Variants in IL1RAPL1 observed in about 807,000 individuals in gnomAD.
The protein encoded by IL1RAPL1 is interleukin 1 receptor accessory protein like 1, also known as interleukin-1 receptor accessory protein-like 1.
A neutral mutation model predicts 48.4 loss-of-function variants in IL1RAPL1; 3 were observed. That is an observed-to-expected ratio of 0.06 (90% CI 0.03 to 0.16). IL1RAPL1 has a LOEUF of 0.16. Ranked by LOEUF, IL1RAPL1 falls within the 10% of genes least tolerant of loss-of-function variation. The pLI is 1.00. For synonymous variants in IL1RAPL1, 185 were observed against 187.7 expected (o/e 0.99, Z 0.12); for missense variants, 349 against 530.6 (o/e 0.66, Z 3.36).
At position 29,920,169 on chromosome X, in the gene IL1RAPL1, CAAATTTAGTTTT is replaced by C. The variant is rs1932834305; in HGVS notation, c.1057+76_1057+87del. 4.4e-6 allele frequency: 5 copies of C among 1,131,877 alleles called. No homozygotes were observed. In the African/African-American group the frequency reaches 8.9e-5, roughly 20 times the overall value. The allele number at this position is 1,131,877 out of a possible 1,213,427, so 93.3% of individuals were successfully genotyped here. On this transcript the variant is annotated intron_variant, in intron 8 of 10. Transcript: ENST00000378993. The stretch of plus-strand genomic sequence containing the variant: ...GAAAAAATCATTGGGAACCAAGAAA[CAAATTTAGTTTT>C]GTTTTTCTCCACAAAGTTCTCCTAA...
At chrX:29,257,016 C>T (rs1157329247) in intron 2 of IL1RAPL1, among the ~76,000 whole-genome samples, 1 of 111,351 alleles carries the variant, frequency 9.0e-6, no homozygotes, top group Non-Finnish European at 1.9e-5. Context: ...TACCTCCTCT[C>T]ACTACTGCAA....
chrX:29,839,201 A>C (rs1194918865), intron 6 of IL1RAPL1, among the ~76,000 whole-genome samples: 4 of 112,210 alleles, frequency 3.6e-5, no homozygotes, highest in Admixed American at 1.9e-4. Flanking sequence ...ACTATGAGCC[A>C]GTTTCTTAAT....
At chrX:29,365,447 G>A (rs1933438332) in intron 3 of IL1RAPL1, among the ~76,000 whole-genome samples, 1 of 112,903 alleles carries the variant, frequency 8.9e-6, no homozygotes, top group East Asian at 2.8e-4. Flanking sequence ...TGTAATCCTA[G>A]CACTTTGGGA....
At chrX:28,758,281 A>C (rs996816739) in intron 1 of IL1RAPL1, among the ~76,000 whole-genome samples, 10 of 111,725 alleles carry the variant, frequency 9.0e-5, no homozygotes, top group Non-Finnish European at 1.9e-4. Context: ...TAAAAGCAAG[A>C]GTTTCTGAGT....
At chrX:29,066,423 T>A (rs1006571720) in intron 2 of IL1RAPL1, among the ~76,000 whole-genome samples, 1 of 112,187 alleles carries the variant, frequency 8.9e-6, no homozygotes, top group Non-Finnish European at 1.9e-5. Context: ...GTTTTTGTAC[T>A]ACATTATTTG....
At chrX:28,911,968 C>T (rs1057472433) in intron 2 of IL1RAPL1, among the ~76,000 whole-genome samples, 1 of 105,255 alleles carries the variant, frequency 9.5e-6, no homozygotes, top group Admixed American at 1.1e-4. Context: ...GGGAAGGACA[C>T]TATCAGAGTA....
chrX:28,590,943 G>C (rs1034571235), intron 1 of IL1RAPL1, among the ~76,000 whole-genome samples: 2 of 111,952 alleles, frequency 1.8e-5, no homozygotes, highest in Non-Finnish European at 3.8e-5. Context: ...TCATGTTAAT[G>C]GCACTTTATA....
intron 5 of IL1RAPL1, among the ~76,000 whole-genome samples, chrX:29,437,077 A>T (rs946485596): frequency 1.2e-4 from 13 of 111,450 alleles, no homozygotes; most frequent in Non-Finnish European, 1.9e-5. Context: ...AAGTAAGATC[A>T]AATAAGAAAA....
chrX:28,861,997 C>T (rs978756595), intron 2 of IL1RAPL1, among the ~76,000 whole-genome samples: 10 of 110,677 alleles, frequency 9.0e-5, no homozygotes, highest in African/African-American at 3.3e-4. Context: ...ATAGAATTAA[C>T]GAGGAGTTTT....
intron 5 of IL1RAPL1, among the ~76,000 whole-genome samples, chrX:29,483,682 A>G (rs1935064528): frequency 1.1e-5 from 1 of 94,311 alleles, no homozygotes; most frequent in Admixed American, 1.1e-4. Flanking sequence ...AAAGTACTAC[A>G]GTAGTAGTAG....
At chrX:29,059,840 T>C (rs1927302562) in intron 2 of IL1RAPL1, among the ~76,000 whole-genome samples, 1 of 111,639 alleles carries the variant, frequency 9.0e-6, no homozygotes, top group South Asian at 3.7e-4. Flanking sequence ...GTATTCATGG[T>C]CTTTTTTAAA....
At chrX:29,711,193 T>TC (rs1008985190) in intron 6 of IL1RAPL1, among the ~76,000 whole-genome samples, 7 of 105,769 alleles carry the variant, frequency 6.6e-5, no homozygotes, top group African/African-American at 2.4e-4. Context: ...TCTTTTCTTT[T>TC]TTTTTTTGAG....
At chrX:29,309,335 A>C (rs1306995308) in intron 3 of IL1RAPL1, among the ~76,000 whole-genome samples, 1 of 111,352 alleles carries the variant, frequency 9.0e-6, no homozygotes, top group African/African-American at 3.3e-5. Context: ...TGGGCTTATC[A>C]AAATTAGGCT....
At chrX:28,648,003 T>C (rs1272820781) in intron 1 of IL1RAPL1, among the ~76,000 whole-genome samples, 2 of 111,772 alleles carry the variant, frequency 1.8e-5, no homozygotes, top group Non-Finnish European at 3.8e-5. Flanking sequence ...TAGAAGATCC[T>C]AAATAGGCTG....
intron 5 of IL1RAPL1, among the ~76,000 whole-genome samples, chrX:29,411,058 G>A (rs1451965924): frequency 9.0e-6 from 1 of 111,313 alleles, no homozygotes; most frequent in Admixed American, 9.6e-5. Flanking sequence ...GTTCAAGACA[G>A]CATTTAAAAA....
chrX:29,570,388 T>C (rs1056357498), intron 5 of IL1RAPL1, among the ~76,000 whole-genome samples: 3 of 112,541 alleles, frequency 2.7e-5, no homozygotes, highest in Non-Finnish European at 5.6e-5. Flanking sequence ...AGACATTACA[T>C]GCTTTCTTAG....
chrX:29,027,481 A>G (rs1470612136), intron 2 of IL1RAPL1, among the ~76,000 whole-genome samples: 3 of 112,158 alleles, frequency 2.7e-5, no homozygotes, highest in African/African-American at 6.5e-5. Flanking sequence ...GCAATTATGA[A>G]TAAAGATACA....
intron 2 of IL1RAPL1, among the ~76,000 whole-genome samples, chrX:28,856,288 C>G (rs949573511): frequency 9.9e-5 from 11 of 111,425 alleles, no homozygotes; most frequent in Admixed American, 4.8e-4. Flanking sequence ...TCAATGTTTA[C>G]TCAAGGATAA....
chrX:29,899,120 GGTGTGTGT>G (rs112187676), intron 6 of IL1RAPL1, among the ~76,000 whole-genome samples: 12 of 107,334 alleles, frequency 1.1e-4, no homozygotes, highest in Non-Finnish European at 2.1e-4. Flanking sequence ...TATTTATTAG[GGTGTGTGT>G]GTGTGTGTGT....
Sources: allele counts gnomAD v4.1 joint callset (sites outside exome capture counted in the v4.1 genomes callset), GRCh38; gene constraint gnomAD v4.1.1; transcripts MANE v1.5; gene names NCBI Gene and HGNC (gene_info 2026-07-23, HGNC 2026-07-21).